FIZ1: variants seen among roughly 807,000 people sequenced by gnomAD.
The protein encoded by FIZ1 is FLT3 interacting zinc finger 1.
FIZ1 carries 2 observed loss-of-function variants against 5.3 expected under a neutral mutation model. The ratio of observed to expected loss-of-function variants is 0.37; its 90% CI spans 0.15 to 1.18. The LOEUF is 1.18. Ranked by LOEUF, FIZ1 falls within the 50% of genes most tolerant of loss-of-function variation. The pLI is 0.37. For missense variants in FIZ1, 631 were observed against 749.7 expected (o/e 0.84, Z 1.85); for synonymous variants, 407 against 364.2 (o/e 1.12, Z -1.34).
At position 55,593,307 on chromosome 19, in the gene FIZ1, C is replaced by T. The variant is rs1262597601; in HGVS notation, c.634G>A (p.Gly212Ser). 1.0e-5 allele frequency: 13 copies of T among 1,257,930 alleles called. No homozygotes were observed. In the African/African-American group the frequency reaches 1.4e-4, roughly 14 times the overall value. 77.9% of individuals were successfully genotyped at this position (1,257,930 alleles called of 1,614,324 possible). Residue 212 changes from glycine to serine, a missense_variant, in exon 3 of 3, where the codon GGC (glycine) becomes AGC (serine). By Grantham distance (56) the Gly-to-Ser change is moderately conservative. This residue lies in a region of FIZ1 where 463 missense variants were observed against 455.1 expected (regional missense o/e 1.02). Coordinates refer to ENST00000221665, the MANE Select transcript of FIZ1 (RefSeq NM_032836.3). This position sits in a 1 kb window ranked among gnomAD's most constrained non-coding sequence, Gnocchi z 6.3. ...CGACARRFDH[G>S]RELAAHWAAH... is the part of the protein sequence containing the mutation. ...GCCCAGTGGGCCGCCAGCTCGCGGC[C>T]GTGGTCGAAGCGCCGCGCGCAGGCG...
rs772136806 is a variant in FIZ1, at chr19:55,593,279, G to A, written c.662C>T (p.Ala221Val). Reference sequence around the variant, plus strand: ...CTTGAAGGGCTTCACGTCGGTGTGCGCCGCCCAGTGGGCCGCCAGCTCGCG... The same window carrying A: ...CTTGAAGGGCTTCACGTCGGTGTGCACCGCCCAGTGGGCCGCCAGCTCGCG... ...HGRELAAHWA[A>V]HTDVKPFKCP... is the part of the protein sequence containing the mutation. Residue 221 changes from alanine to valine, a missense_variant, in exon 3 of 3, where the codon GCG becomes GTG. Transcript: ENST00000221665. The surrounding 1 kb of genome is among the most constrained non-coding windows in gnomAD (Gnocchi z 6.3). The A allele has an allele frequency of 4.7e-6, 6 of 1,265,672 alleles. No homozygotes were observed. The highest frequency in any genetic ancestry group is 8.1e-5 in the East Asian group (2 of 24,564). 78.4% of individuals were successfully genotyped at this position (1,265,672 alleles called of 1,614,324 possible).
rs762618521 is a variant in FIZ1, at chr19:55,597,613, G to A, written c.253C>T (p.Pro85Ser). 1 of 1,613,282 alleles carries A rather than the reference G, an allele frequency of 6.2e-7. No individual in the cohort carries two copies. The highest frequency in any genetic ancestry group is 1.7e-5 in the Admixed American group (1 of 59,998). Residue 85 changes from proline to serine, a missense_variant, in exon 2 of 3, where the codon CCC becomes TCC. Transcript: ENST00000221665. ...CCGGTGGAGTCGCGGAACCCCTTGG[G>A]GCAGGCAGAGCAGCGGTAGGGCCGC... ...GERPYRCSAC[P>S]KGFRDSTGLL... is the part of the protein sequence containing the mutation.
chr19:55,597,485 T>C lies in FIZ1; in HGVS notation c.294+87A>G, dbSNP rs1467990038. On this transcript the variant is annotated intron_variant, in intron 2 of 2. Coordinates refer to ENST00000221665, the MANE Select transcript of FIZ1 (RefSeq NM_032836.3). ...CGGGCGCCTAGGCCTTGGGCCAGCT[T>C]CCTTTTGCCCAGAGTACAGTGGGGC... 2.0e-6 allele frequency: 3 copies of C among 1,480,194 alleles called. No homozygotes were observed. The Admixed American group carries it at 7.1e-5, about 35-fold the overall frequency. The allele number at this position is 1,480,194 out of a possible 1,614,324, so 91.7% of individuals were successfully genotyped here.
chr19:55,593,006 C>T lies in FIZ1; in HGVS notation c.935G>A (p.Gly312Asp). Reference sequence around the variant, plus strand: ...CGCAGGTGCAGGCGCCTCCCCACCGCCCTCGGGGAGCAGCCCCCCGAGCTT... The same window carrying T: ...CGCAGGTGCAGGCGCCTCCCCACCGTCCTCGGGGAGCAGCCCCCCGAGCTT... ...VPKLGGLLPE[G>D]GGEAPAPAAA... is the part of the protein sequence containing the mutation. The change falls in exon 3 of 3, where the codon GGC becomes GAC. Residue 312 changes from glycine (G) to aspartate (D), a missense_variant. By Grantham distance (94) the Gly-to-Asp change is moderately conservative. Around this residue, in one of 4 missense-constraint regions of FIZ1, gnomAD observed 463 missense variants for 455.1 expected, o/e 1.02. Transcript: ENST00000221665. This position sits in a 1 kb window ranked among gnomAD's most constrained non-coding sequence, Gnocchi z 6.3. The T allele has an allele frequency of 6.7e-7, 1 of 1,484,190 alleles. No homozygotes were observed. Among genetic ancestry groups the T allele is most frequent in the African/African-American group, 1.5e-5 (1 of 68,078 alleles). The allele number at this position is 1,484,190 out of a possible 1,614,324, so 91.9% of individuals were successfully genotyped here. A position where few individuals can be genotyped will look rare whatever the true frequency, so the allele number is the denominator to read the frequency against.
Position 55,597,752 on chromosome 19 carries a change from C to A in FIZ1, c.114G>T (p.Leu38=). ...CTGTGTGCCGGGCAAAGTGGCGCCGCAGGTCTGAGCGGTAGCGGAAGCTCT... is the reference window on the plus strand; with the variant it reads ...CTGTGTGCCGGGCAAAGTGGCGCCGAAGGTCTGAGCGGTAGCGGAAGCTCT... ...CGKSFRYRSD[L]RRHFARHTAL... The change falls in exon 2 of 3, where the codon CTG becomes CTT. Residue 38 remains leucine, a synonymous_variant. Transcript: ENST00000221665. 6.2e-7 allele frequency: 1 copy of A among 1,613,944 alleles called. No homozygotes were observed. Among genetic ancestry groups the A allele is most frequent in the Non-Finnish European group, 8.5e-7 (1 of 1,179,938 alleles).
rs1424918212 is a variant in FIZ1, at chr19:55,593,203, G to T, written c.738C>A (p.His246Gln). Residue 246 changes from histidine to glutamine, a missense_variant, in exon 3 of 3, where the codon CAC (histidine) becomes CAA (glutamine). His to Gln is a conservative substitution (Grantham distance 24). This residue lies in a region of FIZ1 where 463 missense variants were observed against 455.1 expected (regional missense o/e 1.02). Coordinates refer to ENST00000221665, the MANE Select transcript of FIZ1 (RefSeq NM_032836.3). This position sits in a 1 kb window ranked among gnomAD's most constrained non-coding sequence, Gnocchi z 6.3. ...DFNAPALLER[H>Q]KLTHDLQGPG... The stretch of plus-strand genomic sequence containing the variant: ...GGCCCTGCAGGTCGTGCGTCAGCTT[G>T]TGCCGCTCCAGCAGCGCGGGCGCGT... 1 of 1,210,380 alleles carries T rather than the reference G, an allele frequency of 8.3e-7. No individual in the cohort carries two copies. Among genetic ancestry groups the T allele is most frequent in the South Asian group, 2.2e-5 (1 of 45,764 alleles). 75.0% of individuals were successfully genotyped at this position (1,210,380 alleles called of 1,614,324 possible). A position where few individuals can be genotyped will look rare whatever the true frequency, so the allele number is the denominator to read the frequency against.
Position 55,592,353 on chromosome 19 carries a change from T to G in FIZ1, c.*97A>C. The stretch of plus-strand genomic sequence containing the variant: ...TTCAGGGCCTGCGTCTGGATTTGGA[T>G]TTGGAGGGCCGGGGCCTCACGCGCA... On this transcript the variant is annotated 3_prime_UTR_variant, in exon 3 of 3. Transcript: ENST00000221665. This position sits in a 1 kb window ranked among gnomAD's most constrained non-coding sequence, Gnocchi z 6.9. 1.6e-6 allele frequency: 2 copies of G among 1,224,198 alleles called. No homozygotes were observed. Among genetic ancestry groups the G allele is most frequent in the Non-Finnish European group, 2.2e-6 (2 of 906,192 alleles). 75.8% of individuals were successfully genotyped at this position (1,224,198 alleles called of 1,614,324 possible). A position where few individuals can be genotyped will look rare whatever the true frequency, so the allele number is the denominator to read the frequency against.
intron 2 of FIZ1, among the ~76,000 whole-genome samples, chr19:55,597,014 G>A (rs978937222): frequency 7.2e-5 from 11 of 152,088 alleles, no homozygotes; most frequent in African/African-American, 2.7e-4. Context: ...TCTTTTTCCA[G>A]AACATTCTTG....
rs901676871 is a variant in FIZ1 at position 55,593,500 on chromosome 19, C to G, written c.441G>C (p.Leu147Phe). The change falls in exon 3 of 3, where the codon TTG becomes TTC. Residue 147 changes from leucine (L) to phenylalanine (F), a missense_variant. Transcript: ENST00000221665. The surrounding 1 kb of genome is among the most constrained non-coding windows in gnomAD (Gnocchi z 6.3). ...PLQPGPGLPA[L>F]SAPCSVCCNV... ...TGCAGCAGACGGAGCAGGGCGCACT[C>G]AAGGCGGGCAGGCCAGGGCCGGGCT... 7.1e-6 allele frequency: 11 copies of G among 1,549,498 alleles called. No homozygotes were observed. In the Admixed American group the frequency reaches 1.8e-4, roughly 25 times the overall value.
rs1323244449 is a variant in FIZ1 at position 55,592,908 on chromosome 19, G to T, written c.1033C>A (p.Leu345Met). The T allele has an allele frequency of 1.9e-6, 3 of 1,543,938 alleles. No homozygotes were observed. The African/African-American group carries it at 4.2e-5, about 22-fold the overall frequency. The change falls in exon 3 of 3, where the codon CTG (leucine) becomes ATG (methionine). Residue 345 changes from leucine (L) to methionine (M), a missense_variant. Physicochemically the swap from Leu to Met is conservative, Grantham distance 15. This residue lies in a region of FIZ1 where 463 missense variants were observed against 455.1 expected (regional missense o/e 1.02). Coordinates refer to ENST00000221665, the MANE Select transcript of FIZ1 (RefSeq NM_032836.3). The surrounding 1 kb of genome is among the most constrained non-coding windows in gnomAD (Gnocchi z 6.9). The part of the protein sequence containing the change: ...CGTFFASAAA[L>M]ASHLEAHSGP... ...GAGTGGGCCTCCAGGTGACTGGCCA[G>T]GGCCGCGGCCGACGCAAAGAAGGTC...
chr19:55,596,728 A>G (rs1980345200), intron 2 of FIZ1, among the ~76,000 whole-genome samples: 1 of 152,144 alleles, frequency 6.6e-6, no homozygotes, highest in South Asian at 2.1e-4. Flanking sequence ...GTTAGAGTGC[A>G]ATGGTGCAAT....
chr19:55,593,237 C>T lies in FIZ1; in HGVS notation c.704G>A (p.Arg235His). ...VKPFKCPRCERDFNAPALLER... is the reference protein window; with the variant it reads ...VKPFKCPRCEHDFNAPALLER... ...CAGCAGCGCGGGCGCGTTGAAGTCGCGCTCGCAGCGCGGGCACTTGAAGGG... is the reference window on the plus strand; with the variant it reads ...CAGCAGCGCGGGCGCGTTGAAGTCGTGCTCGCAGCGCGGGCACTTGAAGGG... The change falls in exon 3 of 3, where the codon CGC (arginine) becomes CAC (histidine). Residue 235 changes from arginine (R) to histidine (H), a missense_variant. Arg to His is a conservative substitution (Grantham distance 29). Coordinates refer to ENST00000221665, the MANE Select transcript of FIZ1 (RefSeq NM_032836.3). The surrounding 1 kb of genome is among the most constrained non-coding windows in gnomAD (Gnocchi z 6.3). 1 of 1,248,510 alleles carries T rather than the reference C, an allele frequency of 8.0e-7. No individual in the cohort carries two copies. Among genetic ancestry groups the T allele is most frequent in the Non-Finnish European group, 1.0e-6 (1 of 986,854 alleles). The allele number at this position is 1,248,510 out of a possible 1,614,324, so 77.3% of individuals were successfully genotyped here. A position where few individuals can be genotyped will look rare whatever the true frequency, so the allele number is the denominator to read the frequency against.
rs1980176730 is a variant in FIZ1, at chr19:55,593,751, T to C, written c.295-105A>G. 1.0e-6 allele frequency: 1 copy of C among 1,000,932 alleles called. No individual in the cohort carries two copies. 62.0% of individuals were successfully genotyped at this position (1,000,932 alleles called of 1,614,324 possible). ...TGTGGCACAAGCTCTCTGTCACACC[T>C]ACAGGGCCATGATCTAGGGAAACGC... On this transcript the variant is annotated intron_variant, in intron 2 of 2. Transcript: ENST00000221665. This position sits in a 1 kb window ranked among gnomAD's most constrained non-coding sequence, Gnocchi z 6.3.
In FIZ1 at chr19:55,593,361, C is replaced by A. The variant is rs1441384310; in HGVS notation, c.580G>T (p.Ala194Ser). 1.4e-5 allele frequency: 19 copies of A among 1,352,770 alleles called. No homozygotes were observed. The highest frequency in any genetic ancestry group is 1.8e-5 in the Non-Finnish European group (19 of 1,060,388). 83.8% of individuals were successfully genotyped at this position (1,352,770 alleles called of 1,614,324 possible). ...WGLAEAAAAA[A>S]ASLPPFACGA... The stretch of plus-strand genomic sequence containing the variant: ...CACGCAAATGGGGGCAAGGAGGCCG[C>A]GGCCGCAGCTGCCGCCTCTGCCAGC... Residue 194 changes from alanine (A) to serine (S), a missense_variant, in exon 3 of 3, where the codon GCG (alanine) becomes TCG (serine). Ala to Ser is a moderately conservative substitution (Grantham distance 99). Coordinates refer to ENST00000221665, the MANE Select transcript of FIZ1 (RefSeq NM_032836.3). This position sits in a 1 kb window ranked among gnomAD's most constrained non-coding sequence, Gnocchi z 6.3.
Position 55,591,404 on chromosome 19 carries a change from C to T in FIZ1, c.*1046G>A, listed in dbSNP as rs1979992106. The stretch of plus-strand genomic sequence containing the variant: ...TGACAGGACAAGGTTTATTGGGGGT[C>T]CTGGAAACACTGGGGAGAGGGACGA... On this transcript the variant is annotated 3_prime_UTR_variant, in exon 3 of 3. Transcript: ENST00000221665. The T allele has an allele frequency of 6.6e-6, 1 of 152,362 alleles. No individual in the cohort carries two copies. Among genetic ancestry groups the T allele is most frequent in the Non-Finnish European group, 1.5e-5 (1 of 68,236 alleles). 9.4% of individuals were successfully genotyped at this position (152,362 alleles called of 1,614,324 possible). A position where few individuals can be genotyped will look rare whatever the true frequency, so the allele number is the denominator to read the frequency against.
Position 55,592,262 on chromosome 19 carries a change from TC to T in FIZ1, c.*187del. On this transcript the variant is annotated 3_prime_UTR_variant, in exon 3 of 3. Coordinates refer to ENST00000221665, the MANE Select transcript of FIZ1 (RefSeq NM_032836.3). The surrounding 1 kb of genome is among the most constrained non-coding windows in gnomAD (Gnocchi z 6.9). ...AGCTAAGGACCCTGTTTGTTTGTGG[TC>T]CCCCAGCTCCGGGGCCTTTGTGGGT... is the stretch of plus-strand genomic sequence containing the variant. 1 of 626,704 alleles carries T rather than the reference TC, an allele frequency of 1.6e-6. No homozygotes were observed. The highest frequency in any genetic ancestry group is 2.7e-6 in the Non-Finnish European group (1 of 375,276). The allele number at this position is 626,704 out of a possible 1,614,324, so 38.8% of individuals were successfully genotyped here.
At position 55,592,727 on chromosome 19, in the gene FIZ1, G is replaced by T. The variant is rs1369218842; in HGVS notation, c.1214C>A (p.Ser405Tyr). ...EREPASGEPP[S>Y]GSGRGKKIFG... Reference sequence around the variant, plus strand: ...GATCTTCTTGCCGCGGCCGGAGCCAGACGGGGGTTCCCCGGACGCCGGTTC... The same window carrying T: ...GATCTTCTTGCCGCGGCCGGAGCCATACGGGGGTTCCCCGGACGCCGGTTC... The change falls in exon 3 of 3, where the codon TCT (serine) becomes TAT (tyrosine). Residue 405 changes from serine to tyrosine, a missense_variant. Coordinates refer to ENST00000221665, the MANE Select transcript of FIZ1 (RefSeq NM_032836.3). The surrounding 1 kb of genome is among the most constrained non-coding windows in gnomAD (Gnocchi z 6.9). 4 of 1,611,914 alleles carry T rather than the reference G, an allele frequency of 2.5e-6. No homozygotes were observed. Among genetic ancestry groups the T allele is most frequent in the Non-Finnish European group, 2.5e-6 (3 of 1,179,620 alleles).
In FIZ1 at chr19:55,593,091, C is replaced by A; in HGVS notation, c.850G>T (p.Asp284Tyr). ...AGEGTAAEAGDAPLASDRRLL... is the reference protein window; with the variant it reads ...AGEGTAAEAGYAPLASDRRLL... Reference sequence around the variant, plus strand: ...CTGCGGTCCGAAGCCAGAGGAGCGTCGCCCGCCTCCGCAGCGGTGCCTTCG... The same window carrying A: ...CTGCGGTCCGAAGCCAGAGGAGCGTAGCCCGCCTCCGCAGCGGTGCCTTCG... The change falls in exon 3 of 3, where the codon GAC becomes TAC. Residue 284 changes from aspartate to tyrosine, a missense_variant. This residue lies in a region of FIZ1 where 463 missense variants were observed against 455.1 expected (regional missense o/e 1.02). Transcript: ENST00000221665. The surrounding 1 kb of genome is among the most constrained non-coding windows in gnomAD (Gnocchi z 6.3). 7.5e-7 allele frequency: 1 copy of A among 1,329,892 alleles called. No homozygotes were observed. The highest frequency in any genetic ancestry group is 4.1e-5 in the Admixed American group (1 of 24,200). 82.4% of individuals were successfully genotyped at this position (1,329,892 alleles called of 1,614,324 possible).
Position 55,592,972 on chromosome 19 carries a change from G to C in FIZ1, c.969C>G (p.Ala323=). The C allele has an allele frequency of 6.5e-7, 1 of 1,541,784 alleles. No homozygotes were observed. Among genetic ancestry groups the C allele is most frequent in the South Asian group, 1.2e-5 (1 of 86,086 alleles). The change falls in exon 3 of 3, where the codon GCC becomes GCG. Residue 323 remains alanine, a synonymous_variant. Transcript: ENST00000221665. The surrounding 1 kb of genome is among the most constrained non-coding windows in gnomAD (Gnocchi z 6.9). ...GGTACAGGGTGTCTTCCGAGGGCTC[G>C]GCGGCCGCCGCAGGTGCAGGCGCCT... The part of the protein sequence containing the change: ...GGEAPAPAAA[A]EPSEDTLYQC...
Sources: gnomAD v4.1 joint callset for allele counts (sites outside exome capture counted in the v4.1 genomes callset) on GRCh38, gnomAD v4.1.1 for gene constraint, gnomAD v4.1.1 regional missense constraint, Gnocchi (gnomAD v3.1) non-coding constraint, MANE v1.5 for transcripts, NCBI Gene and HGNC (gene_info 2026-07-23, HGNC 2026-07-21) for gene names.